Variants in ROBO2 observed in about 807,000 individuals in gnomAD.
ROBO2 encodes the protein roundabout homolog 2.
A neutral mutation model predicts 160.8 loss-of-function variants in ROBO2; 53 were observed. The ratio of observed to expected loss-of-function variants is 0.33; its 90% CI spans 0.26 to 0.41. ROBO2 has a LOEUF of 0.41. Ranked by LOEUF, ROBO2 falls within the 10% of genes least tolerant of loss-of-function variation. ROBO2 has a pLI of 1.00. For missense variants in ROBO2, 1,577 were observed against 1,722.4 expected, an observed-to-expected ratio of 0.92 and a Z score of 1.49; for synonymous variants, 664 against 611.7, an observed-to-expected ratio of 1.09 and a Z score of -1.26.
chr3:77,328,962 C>A (rs1409945682), intron 2 of ROBO2, among the ~76,000 whole-genome samples: 1 of 152,148 alleles, frequency 6.6e-6, no homozygotes, highest in Non-Finnish European at 1.5e-5. Flanking sequence ...AGGAACAATG[C>A]TGGAACACAA....
chr3:76,308,617 A>G (rs1452114519), intron 2 of ROBO2, among the ~76,000 whole-genome samples: 2 of 152,054 alleles, frequency 1.3e-5, no homozygotes, highest in African/African-American at 2.4e-5. Flanking sequence ...TTTCCTTCAG[A>G]TTGTACTCTT....
chr3:77,458,535 G>T (rs2081924643), intron 2 of ROBO2, among the ~76,000 whole-genome samples: 1 of 151,620 alleles, frequency 6.6e-6, no homozygotes, highest in Admixed American at 6.6e-5. Flanking sequence ...GAAGAAGAAT[G>T]TAACACTGAT....
At chr3:76,888,694 C>T (rs1485048008) in intron 2 of ROBO2, among the ~76,000 whole-genome samples, 1 of 152,080 alleles carries the variant, frequency 6.6e-6, no homozygotes, top group African/African-American at 2.4e-5. Flanking sequence ...TCTATAGATA[C>T]ATCACCCTTT....
At chr3:76,761,588 G>A (rs1424576124) in intron 2 of ROBO2, among the ~76,000 whole-genome samples, 3 of 151,674 alleles carry the variant, frequency 2.0e-5, no homozygotes, top group Non-Finnish European at 4.4e-5. Context: ...ATTATATACT[G>A]TCTTTTTTCT....
intron 2 of ROBO2, among the ~76,000 whole-genome samples, chr3:76,111,035 C>T (rs1019420923): frequency 2.0e-4 from 31 of 151,970 alleles, no homozygotes; most frequent in Non-Finnish European, 4.1e-4. Flanking sequence ...CAAAATGATA[C>T]GTTGAAGTCC....
intron 1 of ROBO2, among the ~76,000 whole-genome samples, chr3:75,916,669 C>T (rs563932202): frequency 3.9e-4 from 60 of 151,914 alleles, no homozygotes; most frequent in Admixed American, 3.0e-3. Flanking sequence ...TTTCTTAAAG[C>T]GACTGTTCCA....
chr3:77,590,917 T>C (rs907722615), intron 17 of ROBO2, among the ~76,000 whole-genome samples: 9 of 152,144 alleles, frequency 5.9e-5, no homozygotes, highest in Admixed American at 3.3e-4. Flanking sequence ...GCTACTCATC[T>C]GCTTGTAGAC....
chr3:77,382,646 C>T (rs973894972), intron 2 of ROBO2, among the ~76,000 whole-genome samples: 11 of 152,164 alleles, frequency 7.2e-5, no homozygotes, highest in Admixed American at 7.2e-4. Flanking sequence ...GCTTACCTCC[C>T]ACTTACAAGT....
At chr3:76,095,740 A>T (rs1212750082) in intron 2 of ROBO2, among the ~76,000 whole-genome samples, 4 of 146,160 alleles carry the variant, frequency 2.7e-5, no homozygotes, top group African/African-American at 1.0e-4. Flanking sequence ...CAAGACACAT[A>T]GTATGCTTGA....
At chr3:76,634,573 G>GA (rs201395192) in intron 2 of ROBO2, among the ~76,000 whole-genome samples, 31,521 of 114,550 alleles carry the variant, frequency 0.28, 3,412 homozygotes, top group Non-Finnish European at 0.31. Context: ...GTCTCAAAGA[G>GA]AAAAAAAAAA....
chr3:77,327,679 C>T (rs2065550330), intron 2 of ROBO2, among the ~76,000 whole-genome samples: 2 of 152,222 alleles, frequency 1.3e-5, no homozygotes, highest in South Asian at 2.1e-4. Flanking sequence ...ATCTCATGTT[C>T]CTGGATATTA....
chr3:77,251,857 G>A (rs1270794996), intron 2 of ROBO2, among the ~76,000 whole-genome samples: 1 of 152,154 alleles, frequency 6.6e-6, no homozygotes. Context: ...CCCCAGCTGA[G>A]TGGAACTGCG....
intron 2 of ROBO2, among the ~76,000 whole-genome samples, chr3:76,631,143 G>T (rs1260978103): frequency 6.6e-6 from 1 of 152,102 alleles, no homozygotes; most frequent in South Asian, 2.1e-4. Flanking sequence ...TGAGAAAAAG[G>T]CAGGCTATAG....
intron 2 of ROBO2, among the ~76,000 whole-genome samples, chr3:76,447,427 C>T (rs980094927): frequency 6.7e-6 from 1 of 149,764 alleles, no homozygotes; most frequent in African/African-American, 2.5e-5. Flanking sequence ...AATAGGAACA[C>T]TTTTACACTG....
chr3:77,188,063 A>T (rs1321724956), intron 2 of ROBO2, among the ~76,000 whole-genome samples: 2 of 144,456 alleles, frequency 1.4e-5, no homozygotes, highest in South Asian at 2.1e-4. Flanking sequence ...TGTAACATTA[A>T]ACATAAGAAG....
chr3:76,128,702 G>T (rs2071101726), intron 2 of ROBO2, among the ~76,000 whole-genome samples: 1 of 151,838 alleles, frequency 6.6e-6, no homozygotes, highest in Non-Finnish European at 1.5e-5. Context: ...GGCTTCTTTG[G>T]CTGGGTAATC....
At chr3:77,135,737 T>C (rs905641564) in intron 2 of ROBO2, among the ~76,000 whole-genome samples, 3 of 152,170 alleles carry the variant, frequency 2.0e-5, no homozygotes, top group African/African-American at 7.2e-5. Flanking sequence ...CAATGTTGAC[T>C]GTAGAATGTT....
chr3:77,515,551 A>C (rs2153620779), intron 5 of ROBO2, among the ~76,000 whole-genome samples: 1 of 151,922 alleles, frequency 6.6e-6, no homozygotes, highest in Middle Eastern at 3.4e-3. Context: ...GAATTCTAGT[A>C]ACAACAGCCA....
At chr3:76,571,298 G>A (rs1238441124) in intron 2 of ROBO2, among the ~76,000 whole-genome samples, 1 of 152,062 alleles carries the variant, frequency 6.6e-6, no homozygotes, top group Non-Finnish European at 1.5e-5. Context: ...GAGTGGTAAT[G>A]TTTCATTTTA....
Sources: allele counts gnomAD v4.1 joint callset (sites outside exome capture counted in the v4.1 genomes callset), GRCh38; gene constraint gnomAD v4.1.1; transcripts MANE v1.5; gene names NCBI Gene and HGNC (gene_info 2026-07-23, HGNC 2026-07-21).